ERP44: variants seen among roughly 807,000 people sequenced by gnomAD.
ERP44 encodes the protein endoplasmic reticulum resident protein 44.
Under a neutral mutation model 53.4 loss-of-function variants are expected in ERP44, and 25 were observed. That is an observed-to-expected ratio of 0.47 (90% CI 0.34 to 0.65). The LOEUF (loss-of-function observed/expected upper bound fraction) is 0.65, where lower values mean the gene tolerates loss of function less well. Among genes scored for constraint, ERP44 ranks in the 30% least tolerant of loss-of-function variants. The probability of loss-of-function intolerance (pLI) is 0.01; values close to 1 mark genes in which losing one functional copy is unlikely to be tolerated. For missense variants in ERP44, 338 were observed against 493.2 expected (o/e 0.69, Z 2.98); for synonymous variants, 145 against 161.2 (o/e 0.90, Z 0.76).
chr9:100,081,481 A>G (rs1057379794), intron 1 of ERP44, among the ~76,000 whole-genome samples: 3 of 152,142 alleles, frequency 2.0e-5, no homozygotes, highest in South Asian at 2.1e-4. Flanking sequence ...AATCTGTAAC[A>G]TAAATTTTAA....
intron 4 of ERP44, among the ~76,000 whole-genome samples, chr9:100,036,360 G>A (rs1038944448): frequency 3.9e-5 from 6 of 152,200 alleles, no homozygotes; most frequent in Non-Finnish European, 7.3e-5. Flanking sequence ...GGATGCAGCT[G>A]GAGGCCATTA....
At chr9:100,041,555 T>C (rs1346766743) in intron 4 of ERP44, among the ~76,000 whole-genome samples, 2 of 151,862 alleles carry the variant, frequency 1.3e-5, no homozygotes, top group East Asian at 3.9e-4. Context: ...GTAGTCCCAG[T>C]TACTTGGGAG....
At chr9:100,080,527 AC>A (rs1415694366) in intron 1 of ERP44, among the ~76,000 whole-genome samples, 1 of 152,144 alleles carries the variant, frequency 6.6e-6, no homozygotes, top group African/African-American at 2.4e-5. Flanking sequence ...GCAAGGGCCT[AC>A]AATTCACTTA....
intron 4 of ERP44, among the ~76,000 whole-genome samples, chr9:100,027,065 G>A (rs1196663039): frequency 6.6e-6 from 1 of 152,148 alleles, no homozygotes; most frequent in African/African-American, 2.4e-5. Context: ...GGACTCTAGA[G>A]GGTCTTAAGC....
chr9:100,006,743 A>G lies in ERP44; in HGVS notation c.875-96T>C, dbSNP rs945185039. 3.2e-5 allele frequency: 26 copies of G among 803,850 alleles called. No individual in the cohort carries two copies. The Admixed American group carries it at 7.6e-4, about 24-fold the overall frequency. The allele number at this position is 803,850 out of a possible 1,614,324, so 49.8% of individuals were successfully genotyped here. A position where few individuals can be genotyped will look rare whatever the true frequency, so the allele number is the denominator to read the frequency against. On this transcript the variant is annotated intron_variant, in intron 9 of 11. Coordinates refer to ENST00000262455, the MANE Select transcript of ERP44 (RefSeq NM_015051.3). ...CACAAAAAGTGACATACTAAAAAAA[A>G]AGCACCCAACATTCTTAAGAGTAAT... is the stretch of plus-strand genomic sequence containing the variant.
intron 1 of ERP44, among the ~76,000 whole-genome samples, chr9:100,063,790 T>C (rs1015487430): frequency 6.6e-6 from 1 of 152,222 alleles, no homozygotes; most frequent in Non-Finnish European, 1.5e-5. Flanking sequence ...TCCAGCTTAT[T>C]AGCTCATTTT....
intron 1 of ERP44, among the ~76,000 whole-genome samples, chr9:100,061,595 GAAATATATATATTTATAGAAATATATAT>G (rs1564100583): frequency 7.0e-6 from 1 of 143,246 alleles, no homozygotes; most frequent in Non-Finnish European, 1.5e-5. Flanking sequence ...TATATTTATA[GAAATATATATATTTATAGAAATATATAT>G]AAATATATAT....
chr9:100,055,484 TG>T (rs1216493642), intron 3 of ERP44, among the ~76,000 whole-genome samples: 1 of 152,210 alleles, frequency 6.6e-6, no homozygotes, highest in Non-Finnish European at 1.5e-5. Flanking sequence ...GCAATTCTCC[TG>T]CCTCAGCCTC....
Position 99,988,462 on chromosome 9 carries a change from G to A in ERP44, c.1017-3393C>T, listed in dbSNP as rs150912147. Reference sequence around the variant, plus strand: ...ATAGAAGGAAATTCTTTTTTGGTATGAGGACATTCAGTTAGTCTAGCACCA... The same window carrying A: ...ATAGAAGGAAATTCTTTTTTGGTATAAGGACATTCAGTTAGTCTAGCACCA... On this transcript the variant is annotated intron_variant, in intron 10 of 11. Coordinates refer to ENST00000262455, the MANE Select transcript of ERP44 (RefSeq NM_015051.3). 2.6e-3 allele frequency among the ~76,000 whole-genome samples: 396 copies of A among 152,204 alleles called. 8 individuals are homozygous for A. Among genetic ancestry groups the A allele is most frequent in the Admixed American group, 0.021 (318 of 15,288 alleles).
intron 4 of ERP44, among the ~76,000 whole-genome samples, chr9:100,033,377 A>G (rs962058997): frequency 4.6e-5 from 7 of 152,170 alleles, no homozygotes; most frequent in African/African-American, 1.7e-4. Flanking sequence ...TCACTTTCTG[A>G]TAGGCCAAGG....
At chr9:100,020,301 C>T (rs111849610) in intron 6 of ERP44, among the ~76,000 whole-genome samples, 37 of 152,258 alleles carry the variant, frequency 2.4e-4, no homozygotes, top group African/African-American at 8.4e-4. Flanking sequence ...CTGTGGTTAC[C>T]CCACAGATTA....
chr9:100,073,670 C>A (rs1826327602), intron 1 of ERP44, among the ~76,000 whole-genome samples: 1 of 152,192 alleles, frequency 6.6e-6, no homozygotes, highest in South Asian at 2.1e-4. Context: ...ATCATTCTCA[C>A]ATTTTTGACA....
intron 4 of ERP44, among the ~76,000 whole-genome samples, chr9:100,042,413 G>A (rs1261819284): frequency 1.3e-5 from 2 of 152,164 alleles, no homozygotes; most frequent in African/African-American, 4.8e-5. Flanking sequence ...GCAATCAAAT[G>A]CTGACGAGTA....
chr9:99,990,941 G>C (rs978759695), intron 10 of ERP44, among the ~76,000 whole-genome samples: 1 of 152,108 alleles, frequency 6.6e-6, no homozygotes. Flanking sequence ...AATGGTAAAG[G>C]GATCAAATCA....
intron 1 of ERP44, among the ~76,000 whole-genome samples, chr9:100,095,655 T>A (rs1473538071): frequency 6.6e-6 from 1 of 152,138 alleles, no homozygotes; most frequent in Non-Finnish European, 1.5e-5. Context: ...ATAACTGACC[T>A]GGTATTGGGC....
rs117080266 is a variant in ERP44 at position 100,032,902 on chromosome 9, G to T, written c.287-10676C>A. ...ATGTTCGTGACTATTAAGCAAGACA[G>T]GTATTAACCACATGGACCTAACTAA... On this transcript the variant is annotated intron_variant, in intron 4 of 11. Transcript: ENST00000262455. 2.9e-3 allele frequency among the ~76,000 whole-genome samples: 439 copies of T among 152,252 alleles called. 1 individual carries two copies. Among genetic ancestry groups the T allele is most frequent in the Non-Finnish European group, 5.2e-3 (353 of 68,000 alleles).
intron 5 of ERP44, among the ~76,000 whole-genome samples, chr9:100,021,577 T>G (rs1830590011): frequency 6.6e-6 from 1 of 152,234 alleles, no homozygotes; most frequent in Admixed American, 6.5e-5. Context: ...TTTTTGCTTT[T>G]GTTGTTTGTT....
chr9:100,042,668 T>C lies in ERP44; in HGVS notation c.286+9749A>G, dbSNP rs144033012. Among the ~76,000 whole-genome samples, 130 of 152,242 alleles carry C rather than the reference T, an allele frequency of 8.5e-4. 1 individual carries two copies. The highest frequency in any genetic ancestry group is 2.1e-3 in the African/African-American group (88 of 41,540). On this transcript the variant is annotated intron_variant, in intron 4 of 11. Transcript: ENST00000262455. ...GATTTGGAAGCAACCTAAGTGTCCA[T>C]TGACAAACAAATGGATAGAGAAAAT...
chr9:100,018,143 C>G, intron 7 of ERP44, 113 bp downstream of exon 7: 1 of 758,850 alleles, frequency 1.3e-6, no homozygotes, highest in Non-Finnish European at 2.3e-6. Context: ...CTTCAAACTT[C>G]CTTTCAATTC....
Sources: allele counts gnomAD v4.1 joint callset (sites outside exome capture counted in the v4.1 genomes callset), GRCh38; gene constraint gnomAD v4.1.1; transcripts MANE v1.5; gene names NCBI Gene and HGNC (gene_info 2026-07-23, HGNC 2026-07-21).